The following TRPM3 variants were observed in gnomAD, a reference collection of about 807,000 sequenced individuals.
TRPM3 encodes the protein long transient receptor potential channel 3.
TRPM3 carries 77 observed loss-of-function variants against 181.2 expected under a neutral mutation model. The ratio of observed to expected loss-of-function variants is 0.42; its 90% CI spans 0.35 to 0.51. The LOEUF (loss-of-function observed/expected upper bound fraction) is 0.51, where lower values mean the gene tolerates loss of function less well. Among genes scored for constraint, TRPM3 ranks in the 20% least tolerant of loss-of-function variants. TRPM3 has a pLI of 0.01. For missense variants in TRPM3, 1,759 were observed against 2,196.7 expected (o/e 0.80, Z 3.98); for synonymous variants, 745 against 796.4 (o/e 0.94, Z 1.09).
At chr9:70,644,651 A>T (rs1047473960) in intron 9 of TRPM3, among the ~76,000 whole-genome samples, 3 of 152,188 alleles carry the variant, frequency 2.0e-5, no homozygotes, top group Non-Finnish European at 4.4e-5. Flanking sequence ...CTGGCACAAG[A>T]CAAGTATGCC....
chr9:71,446,143 G>A (rs906940206), intron 1 of TRPM3, among the ~76,000 whole-genome samples: 10 of 152,184 alleles, frequency 6.6e-5, no homozygotes, highest in Non-Finnish European at 2.9e-5. Context: ...GCTATTCTCT[G>A]TATGCAAATG....
rs1256991277 is a variant in TRPM3, at chr9:70,973,212, G to A, written c.178-108701C>T. Among the ~76,000 whole-genome samples the A allele has an allele frequency of 2.0e-5, 3 of 152,060 alleles. No individual in the cohort carries two copies. In the East Asian group the frequency reaches 5.8e-4, roughly 29 times the overall value. ...ATCACAATAATTACAGGTTGTGGGT[G>A]GTTAATATTAGTAGGGGACTCTTTT... On this transcript the variant is annotated intron_variant, in intron 1 of 25. Transcript: ENST00000677713.
intron 1 of TRPM3, among the ~76,000 whole-genome samples, chr9:71,350,435 C>G (rs1025963321): frequency 2.0e-5 from 3 of 152,192 alleles, no homozygotes; most frequent in Non-Finnish European, 4.4e-5. Context: ...AAAAAAATCT[C>G]TAGTTGTCGT....
At chr9:71,402,331 G>A (rs1273228349) in intron 1 of TRPM3, among the ~76,000 whole-genome samples, 1 of 152,186 alleles carries the variant, frequency 6.6e-6, no homozygotes, top group Non-Finnish European at 1.5e-5. Flanking sequence ...GAAAAGAGGT[G>A]TCTAAATTTG....
intron 1 of TRPM3, among the ~76,000 whole-genome samples, chr9:71,063,530 C>G (rs1324094302): frequency 6.6e-6 from 1 of 151,970 alleles, no homozygotes; most frequent in African/African-American, 2.4e-5. Context: ...GCCCTGTGGA[C>G]TGTAAAAATC....
intron 1 of TRPM3, among the ~76,000 whole-genome samples, chr9:71,383,658 G>A (rs993387411): frequency 6.6e-6 from 1 of 152,136 alleles, no homozygotes; most frequent in African/African-American, 2.4e-5. Context: ...TACCCCTGAG[G>A]AGACTACCCC....
chr9:71,214,632 G>T (rs1421168970), intron 1 of TRPM3, among the ~76,000 whole-genome samples: 1 of 152,086 alleles, frequency 6.6e-6, no homozygotes, highest in Non-Finnish European at 1.5e-5. Context: ...GACGGCTCCT[G>T]AGTACTGGAA....
chr9:71,244,120 G>T (rs1375672303), intron 1 of TRPM3, among the ~76,000 whole-genome samples: 1 of 152,102 alleles, frequency 6.6e-6, no homozygotes, highest in Non-Finnish European at 1.5e-5. Flanking sequence ...TACTAGAAGT[G>T]GGAACAAGGG....
intron 5 of TRPM3, among the ~76,000 whole-genome samples, chr9:70,840,862 C>A (rs1053881656): frequency 1.6e-4 from 25 of 152,062 alleles, no homozygotes; most frequent in African/African-American, 5.6e-4. Context: ...CTCTATCTTG[C>A]ATAAATAAAT....
chr9:71,300,522 T>A (rs2086670754), intron 1 of TRPM3, among the ~76,000 whole-genome samples: 2 of 152,064 alleles, frequency 1.3e-5, no homozygotes, highest in South Asian at 4.1e-4. Flanking sequence ...CTTTTTTTTT[T>A]AACTCAGTAC....
intron 3 of TRPM3, among the ~76,000 whole-genome samples, chr9:70,846,868 T>C (rs1213087614): frequency 6.6e-6 from 1 of 152,188 alleles, no homozygotes; most frequent in Non-Finnish European, 1.5e-5. Flanking sequence ...ACCGAGTTCT[T>C]TGCTCAAAGG....
chr9:71,200,937 G>T (rs1039123345), intron 1 of TRPM3, among the ~76,000 whole-genome samples: 2 of 151,482 alleles, frequency 1.3e-5, no homozygotes, highest in South Asian at 2.1e-4. Flanking sequence ...TGGTTATTTT[G>T]CTCGTTAGTT....
In TRPM3 at chr9:70,617,861, A is replaced by G. The variant is rs144104815; in HGVS notation, c.2358+1006T>C. 1.3e-3 allele frequency among the ~76,000 whole-genome samples: 191 copies of G among 152,278 alleles called. 1 individual carries two copies. Among genetic ancestry groups the G allele is most frequent in the East Asian group, 8.9e-3 (46 of 5,180 alleles). On this transcript the variant is annotated intron_variant, in intron 17 of 25. Transcript: ENST00000677713. ...GTGCCTATAATCCCAGCTACTCGGG[A>G]GGCTGAGGTAGGAGAATCGCTTGAA... is the stretch of plus-strand genomic sequence containing the variant.
Position 71,068,982 on chromosome 9 carries a change from T to A in TRPM3, c.177+52196A>T, listed in dbSNP as rs2062326703. 3.9e-5 allele frequency among the ~76,000 whole-genome samples: 6 copies of A among 152,318 alleles called. No individual in the cohort carries two copies. In the South Asian group the frequency reaches 1.2e-3, roughly 32 times the overall value. ...ATAGAAAGTCTCAGAGCTTTGGTTT[T>A]CTCTGCAAATTGAGAATAATATGCC... On this transcript the variant is annotated intron_variant, in intron 1 of 25. Coordinates refer to ENST00000677713, the MANE Select transcript of TRPM3 (RefSeq NM_001366145.2).
chr9:70,602,438 G>A (rs1333232575), intron 20 of TRPM3, among the ~76,000 whole-genome samples: 2 of 152,134 alleles, frequency 1.3e-5, no homozygotes, highest in Non-Finnish European at 2.9e-5. Context: ...ACCCACTGCA[G>A]TACAGCAATT....
intron 1 of TRPM3, among the ~76,000 whole-genome samples, chr9:71,166,694 C>A (rs925001995): frequency 3.3e-5 from 5 of 152,120 alleles, no homozygotes; most frequent in African/African-American, 1.2e-4. Context: ...GCCATGTAGT[C>A]TTTAAACAAC....
intron 1 of TRPM3, among the ~76,000 whole-genome samples, chr9:71,163,920 T>A (rs1304632439): frequency 6.6e-6 from 1 of 152,194 alleles, no homozygotes; most frequent in African/African-American, 2.4e-5. Context: ...GATAGAAGTG[T>A]AGCCACTGGA....
In TRPM3 at chr9:71,419,772, A is replaced by T. The variant is rs1409714883; in HGVS notation, c.183+26881T>A. ...AATTAAAACAGTTGAAATACACTATAAAAAGGGTTCTGACATAAATCATCT... is the reference window on the plus strand; with the variant it reads ...AATTAAAACAGTTGAAATACACTATTAAAAGGGTTCTGACATAAATCATCT... On this transcript the variant is annotated intron_variant, in intron 1 of 24. Coordinates refer to the TRPM3 transcript ENST00000357533. Among the ~76,000 whole-genome samples the T allele has an allele frequency of 2.0e-5, 3 of 151,914 alleles. No individual in the cohort carries two copies. The East Asian group carries it at 5.8e-4, about 29-fold the overall frequency.
At chr9:71,313,435 G>GCAAAA (rs2088198217) in intron 1 of TRPM3, among the ~76,000 whole-genome samples, 1 of 151,984 alleles carries the variant, frequency 6.6e-6, no homozygotes, top group Non-Finnish European at 1.5e-5. Flanking sequence ...TTATAAAAAG[G>GCAAAA]CAAAACATAG....
Sources: gnomAD v4.1 joint callset for allele counts (sites outside exome capture counted in the v4.1 genomes callset) on GRCh38, gnomAD v4.1.1 for gene constraint, MANE v1.5 for transcripts, NCBI Gene and HGNC (gene_info 2026-07-23, HGNC 2026-07-21) for gene names.